The following EYA1 variants were observed in gnomAD, a reference collection of about 807,000 sequenced individuals.
The protein encoded by EYA1 is EYA transcriptional coactivator and phosphatase 1.
A neutral mutation model predicts 82.0 loss-of-function variants in EYA1; 16 were observed. The observed-to-expected ratio is 0.20, with a 90% CI of 0.13 to 0.30. The LOEUF is 0.30. EYA1 is among the 10% of genes least tolerant of loss of function. The pLI, the probability that EYA1 is intolerant of heterozygous loss-of-function variation, is 1.00. For synonymous variants in EYA1, 261 were observed against 264.4 expected (o/e 0.99, Z 0.12); for missense variants, 633 against 730.7 (o/e 0.87, Z 1.54).
intron 2 of EYA1, among the ~76,000 whole-genome samples, chr8:71,386,143 T>C (rs1489951492): frequency 6.6e-6 from 1 of 152,238 alleles, no homozygotes; most frequent in East Asian, 1.9e-4. Context: ...CATACTTCTT[T>C]AGTTTCTTCA....
At chr8:71,345,103 T>C (rs927837795) in intron 3 of EYA1, among the ~76,000 whole-genome samples, 6 of 152,232 alleles carry the variant, frequency 3.9e-5, no homozygotes, top group African/African-American at 9.6e-5. Flanking sequence ...CCAGAAGATA[T>C]GTTTCTTTTT....
At chr8:71,504,863 A>T (rs1046412089) in intron 2 of EYA1, among the ~76,000 whole-genome samples, 4 of 152,116 alleles carry the variant, frequency 2.6e-5, no homozygotes, top group African/African-American at 9.7e-5. Context: ...GTGCTGTGGT[A>T]TGAGCTCAGC....
intron 9 of EYA1, among the ~76,000 whole-genome samples, chr8:71,274,917 A>AC (rs1554531330): frequency 2.3e-4 from 34 of 149,280 alleles, no homozygotes; most frequent in Admixed American, 4.0e-4. Context: ...CGAGCGAGAG[A>AC]GAGAGAATGA....
At chr8:71,364,000 A>T (rs1251374168), upstream of EYA1, among the ~76,000 whole-genome samples, 1 of 152,014 alleles carries the variant, frequency 6.6e-6, no homozygotes, top group African/African-American at 2.4e-5. Context: ...ATTTATATAC[A>T]AGTTACTTGC....
chr8:71,544,942 AG>A (rs1174137929), intron 1 of EYA1, among the ~76,000 whole-genome samples: 1 of 152,232 alleles, frequency 6.6e-6, no homozygotes, highest in Admixed American at 6.5e-5. Context: ...AGCCAATGAC[AG>A]GGATATCCAT....
intron 2 of EYA1, among the ~76,000 whole-genome samples, chr8:71,506,373 G>A (rs771396145): frequency 6.6e-6 from 1 of 152,194 alleles, no homozygotes; most frequent in Non-Finnish European, 1.5e-5. Context: ...TGCAAATTGA[G>A]CTAAACAGGG....
chr8:71,413,041 C>G (rs1053097875), intron 2 of EYA1, among the ~76,000 whole-genome samples: 3 of 152,110 alleles, frequency 2.0e-5, no homozygotes, highest in African/African-American at 7.2e-5. Context: ...TGTCCAAAGC[C>G]AATGTCATAG....
chr8:71,544,045 C>T (rs1815357912), intron 1 of EYA1, among the ~76,000 whole-genome samples: 1 of 151,322 alleles, frequency 6.6e-6, no homozygotes, highest in African/African-American at 2.4e-5. Flanking sequence ...GTCTCAGGGG[C>T]CAAAAAAAGA....
chr8:71,522,668 G>A (rs533283127), intron 2 of EYA1, among the ~76,000 whole-genome samples: 71 of 150,604 alleles, frequency 4.7e-4, no homozygotes, highest in African/African-American at 1.6e-3. Flanking sequence ...ACCCAGGCTG[G>A]AGTGCAGTGG....
chr8:71,402,921 C>A (rs181663521), intron 2 of EYA1, among the ~76,000 whole-genome samples: 6 of 152,230 alleles, frequency 3.9e-5, no homozygotes, highest in Non-Finnish European at 7.4e-5. Context: ...AATTTGCATG[C>A]ACACTATGCA....
chr8:71,472,788 G>GAGATATAT lies in EYA1; in HGVS notation c.33+62955_33+62956insATATATCT, dbSNP rs71555582. ...CATGCATTTTAGATGTAGCTTTGAA[G>GAGATATAT]ATATATATATATATATATATATATA... On this transcript the variant is annotated intron_variant, in intron 2 of 18. Transcript: ENST00000643681. Among the ~76,000 whole-genome samples the GAGATATAT allele has an allele frequency of 2.7e-3, 345 of 126,836 alleles. 1 individual carries two copies. Among genetic ancestry groups the GAGATATAT allele is most frequent in the South Asian group, 0.014 (51 of 3,708 alleles). 83.2% of individuals were successfully genotyped at this position (126,836 alleles called of 152,430 possible).
intron 2 of EYA1, among the ~76,000 whole-genome samples, chr8:71,498,538 A>G (rs892830951): frequency 2.6e-5 from 4 of 152,162 alleles, no homozygotes; most frequent in African/African-American, 9.7e-5. Flanking sequence ...AGAAGAGCAT[A>G]GGATGTTCAT....
intron 2 of EYA1, among the ~76,000 whole-genome samples, chr8:71,472,768 A>T (rs11786889): frequency 7.3e-6 from 1 of 136,546 alleles, no homozygotes; most frequent in Non-Finnish European, 1.5e-5. Context: ...GAATACATGC[A>T]TTTTAGATGT....
intron 9 of EYA1, among the ~76,000 whole-genome samples, chr8:71,281,965 C>T (rs1254952112): frequency 6.6e-6 from 1 of 152,182 alleles, no homozygotes; most frequent in Non-Finnish European, 1.5e-5. Flanking sequence ...TTGGCGCTGC[C>T]TATATTTATT....
chr8:71,493,340 C>T (rs1012919364), intron 2 of EYA1, among the ~76,000 whole-genome samples: 1 of 152,170 alleles, frequency 6.6e-6, no homozygotes, highest in Non-Finnish European at 1.5e-5. Flanking sequence ...ACTTGCCAGC[C>T]CCACTGCCCT....
chr8:71,351,888 G>A (rs1826343836), intron 3 of EYA1, among the ~76,000 whole-genome samples: 1 of 152,132 alleles, frequency 6.6e-6, no homozygotes, highest in Non-Finnish European at 1.5e-5. Flanking sequence ...AACTCTGAGT[G>A]AAAAAAGACA....
At chr8:71,219,663 C>G (rs1469666800) in intron 12 of EYA1, among the ~76,000 whole-genome samples, 2 of 152,146 alleles carry the variant, frequency 1.3e-5, no homozygotes, top group Non-Finnish European at 2.9e-5. Flanking sequence ...ATATTGCTAT[C>G]TAAATGCTTA....
At chr8:71,296,295 G>T (rs888994977) in intron 9 of EYA1, among the ~76,000 whole-genome samples, 3 of 151,662 alleles carry the variant, frequency 2.0e-5, no homozygotes, top group Non-Finnish European at 4.4e-5. Flanking sequence ...AAGGAATTAC[G>T]TTTACAAGTA....
chr8:71,275,506 C>T (rs1817060821), intron 9 of EYA1, among the ~76,000 whole-genome samples: 1 of 152,024 alleles, frequency 6.6e-6, no homozygotes, highest in South Asian at 2.1e-4. Context: ...GAAACTGACA[C>T]CATATGTAAT....
Sources: gnomAD v4.1 joint callset for allele counts (sites outside exome capture counted in the v4.1 genomes callset) on GRCh38, gnomAD v4.1.1 for gene constraint, MANE v1.5 for transcripts, NCBI Gene and HGNC (gene_info 2026-07-23, HGNC 2026-07-21) for gene names.